ASB15: variants seen among roughly 807,000 people sequenced by gnomAD.
ASB15 encodes ankyrin repeat and SOCS box protein 15.
A neutral mutation model predicts 58.0 loss-of-function variants in ASB15; 54 were observed. That is an observed-to-expected ratio of 0.93 (90% CI 0.75 to 1.17). The LOEUF is 1.17. ASB15 is among the 50% of genes most tolerant of loss of function. ASB15 has a pLI of 0.00. For synonymous variants in ASB15, 249 were observed against 262.4 expected, an observed-to-expected ratio of 0.95 and a Z score of 0.50; for missense variants, 680 against 707.4, an observed-to-expected ratio of 0.96 and a Z score of 0.44.
At chr7:123,620,509 T>C (rs1418566489) in intron 7 of ASB15, among the ~76,000 whole-genome samples, 1 of 3,408 alleles carries the variant, frequency 2.9e-4, no homozygotes, top group Non-Finnish European at 6.0e-4. Context: ...TATACATACA[T>C]ATATATATAT....
chr7:123,636,895 G>A lies in ASB15; in HGVS notation c.1681G>A (p.Glu561Lys). 1 of 1,601,770 alleles carries A rather than the reference G, an allele frequency of 6.2e-7. No individual in the cohort carries two copies. Among genetic ancestry groups the A allele is most frequent in the Non-Finnish European group, 8.6e-7 (1 of 1,169,204 alleles). ...LQKLCQPASV[E>K]KLPLPPAIQR... ...GAAACTCTGCCAGCCAGCCTCAGTG[G>A]AGAAGCTTCCTCTACCACCAGCTAT... is the stretch of plus-strand genomic sequence containing the variant. The change falls in exon 12 of 12, where the codon GAG (glutamate) becomes AAG (lysine). Residue 561 changes from glutamate to lysine, a missense_variant. By Grantham distance (56) the Glu-to-Lys change is moderately conservative (BLOSUM62 1). Coordinates refer to ENST00000451215, the MANE Select transcript of ASB15 (RefSeq NM_001290258.2).
At position 123,637,853 on chromosome 7, in the gene ASB15, A is replaced by C. The variant is rs555162706; in HGVS notation, c.*872A>C. On this transcript the variant is annotated 3_prime_UTR_variant, in exon 12 of 12. Coordinates refer to ENST00000451215, the MANE Select transcript of ASB15 (RefSeq NM_001290258.2). ...GAACATTTGAACACAAAGACACCTCAAATTCAACATGTCCCCAGATGAACT... is the reference window on the plus strand; with the variant it reads ...GAACATTTGAACACAAAGACACCTCCAATTCAACATGTCCCCAGATGAACT... The C allele has an allele frequency of 3.1e-4, 44 of 143,620 alleles. No individual in the cohort carries two copies. Among genetic ancestry groups the C allele is most frequent in the African/African-American group, 1.1e-3 (43 of 38,228 alleles). The allele number at this position is 143,620 out of a possible 1,614,324, so 8.9% of individuals were successfully genotyped here.
intron 8 of ASB15, among the ~76,000 whole-genome samples, chr7:123,626,625 C>T (rs1456256213): frequency 6.6e-6 from 1 of 152,184 alleles, no homozygotes; most frequent in East Asian, 1.9e-4. Flanking sequence ...ACAAACCATG[C>T]TGCATGCATG....
intron 1 of ASB15, among the ~76,000 whole-genome samples, chr7:123,580,395 G>A (rs1799193522): frequency 1.3e-5 from 2 of 151,952 alleles, no homozygotes; most frequent in Non-Finnish European, 2.9e-5. Context: ...AACTTGCTAG[G>A]CACAGGAGAG....
At position 123,638,367 on chromosome 7, in the gene ASB15, T is replaced by C. The variant is rs898352491; in HGVS notation, c.*1386T>C. ...TCCCTTGAACCTTCTAGAATTTTAT[T>C]TTTTAAACACTGATTCCCAGACTTC... On this transcript the variant is annotated 3_prime_UTR_variant, in exon 12 of 12. Coordinates refer to ENST00000451215, the MANE Select transcript of ASB15 (RefSeq NM_001290258.2). The C allele has an allele frequency of 6.6e-6, 1 of 152,204 alleles. No individual in the cohort carries two copies. The highest frequency in any genetic ancestry group is 2.4e-5 in the African/African-American group (1 of 41,440). 9.4% of individuals were successfully genotyped at this position (152,204 alleles called of 1,614,324 possible). A position where few individuals can be genotyped will look rare whatever the true frequency, so the allele number is the denominator to read the frequency against.
At chr7:123,599,755 A>G (rs1230789874), upstream of ASB15, among the ~76,000 whole-genome samples, 1 of 152,188 alleles carries the variant, frequency 6.6e-6, no homozygotes, top group African/African-American at 2.4e-5. Context: ...CAGTACATGC[A>G]TTTCTTGCTA....
intron 1 of ASB15, among the ~76,000 whole-genome samples, chr7:123,588,119 T>C (rs925007023): frequency 3.3e-5 from 5 of 151,858 alleles, no homozygotes; most frequent in African/African-American, 1.2e-4. Flanking sequence ...GAATTAATGC[T>C]TTAAGTGTTT....
intron 2 of ASB15, among the ~76,000 whole-genome samples, chr7:123,608,207 G>T (rs1241200956): frequency 1.3e-5 from 2 of 152,022 alleles, no homozygotes; most frequent in African/African-American, 4.8e-5. Flanking sequence ...TCTATCGTTA[G>T]TATATTTGCA....
At chr7:123,611,097 A>AG (rs1356978924) in intron 3 of ASB15, among the ~76,000 whole-genome samples, 1 of 151,504 alleles carries the variant, frequency 6.6e-6, no homozygotes, top group Non-Finnish European at 1.5e-5. Context: ...AAAAAAAAAA[A>AG]AAAAAAAGAA....
intron 3 of ASB15, among the ~76,000 whole-genome samples, chr7:123,610,401 G>A (rs1584769410): frequency 1.3e-5 from 2 of 152,236 alleles, no homozygotes; most frequent in East Asian, 3.9e-4. Flanking sequence ...TATTACTATT[G>A]CCAAATGTAT....
chr7:123,591,533 C>T (rs1381519094), intron 1 of ASB15, among the ~76,000 whole-genome samples: 1 of 152,096 alleles, frequency 6.6e-6, no homozygotes, highest in Non-Finnish European at 1.5e-5. Context: ...TGTCGAAGGC[C>T]TTTTCTGCAC....
In ASB15 at chr7:123,592,295, C is replaced by T. The variant is rs148442963; in HGVS notation, c.-442-11737C>T. ...TGTGTCTCTGTCTCATTCAGTTCTG[C>T]TCCGATCTTAGTTATTTCTTGTCTT... On this transcript the variant is annotated intron_variant, in intron 1 of 13. Transcript: ENST00000451558. 1.1e-3 allele frequency among the ~76,000 whole-genome samples: 164 copies of T among 152,228 alleles called. 3 individuals carry two copies. In the East Asian group the frequency reaches 0.025, roughly 23 times the overall value.
chr7:123,614,374 T>C (rs1350084289), intron 3 of ASB15, 127 bp from the exon 4 acceptor site: 1 of 633,508 alleles, frequency 1.6e-6, no homozygotes, highest in Non-Finnish European at 2.7e-6. Context: ...CCCACATTTG[T>C]ATTTGTTAAC....
At chr7:123,570,853 A>C (rs1798891144) in intron 1 of ASB15, among the ~76,000 whole-genome samples, 1 of 152,114 alleles carries the variant, frequency 6.6e-6, no homozygotes, top group Non-Finnish European at 1.5e-5. Context: ...GTCCATATGG[A>C]TTTCTCTTCA....
intron 3 of ASB15, among the ~76,000 whole-genome samples, chr7:123,609,544 G>T (rs554106235): frequency 6.6e-6 from 1 of 152,308 alleles, no homozygotes; most frequent in East Asian, 1.9e-4. Context: ...TTAGTCTCAA[G>T]GCCAGCCTTG....
upstream of ASB15, among the ~76,000 whole-genome samples, chr7:123,597,474 C>A (rs761827466): frequency 2.0e-4 from 30 of 152,020 alleles, no homozygotes; most frequent in South Asian, 6.2e-4. Context: ...AGGAAAAAAA[C>A]CAGCATACAT....
chr7:123,633,735 C>T (rs527724851), intron 11 of ASB15, among the ~76,000 whole-genome samples: 1 of 152,226 alleles, frequency 6.6e-6, no homozygotes, highest in East Asian at 1.9e-4. Flanking sequence ...CCTGGAAATG[C>T]CATTTCCTAA....
chr7:123,630,291 T>C (rs141632145), intron 11 of ASB15, among the ~76,000 whole-genome samples, 172 bp downstream of exon 11: 41 of 152,348 alleles, frequency 2.7e-4, no homozygotes, highest in African/African-American at 9.6e-4. Context: ...TATTTTCATT[T>C]TTCTTTATAT....
At chr7:123,626,428 C>T (rs1382447554) in intron 8 of ASB15, among the ~76,000 whole-genome samples, 12 of 152,124 alleles carry the variant, frequency 7.9e-5, no homozygotes, top group Non-Finnish European at 1.8e-4. Flanking sequence ...GCTGAGATCA[C>T]ACCACCGCAC....
Sources: allele counts gnomAD v4.1 joint callset (sites outside exome capture counted in the v4.1 genomes callset), GRCh38; gene constraint gnomAD v4.1.1; transcripts MANE v1.5; gene names NCBI Gene and HGNC (gene_info 2026-07-23, HGNC 2026-07-21).